The following FANK1 variants were observed in gnomAD, a reference collection of about 807,000 sequenced individuals.
The protein encoded by FANK1 is fibronectin type III and ankyrin repeat domains 1, also known as fibronectin type 3 and ankyrin repeat domains protein 1.
A neutral mutation model predicts 45.3 loss-of-function variants in FANK1; 44 were observed. The ratio of observed to expected loss-of-function variants is 0.97; its 90% CI spans 0.76 to 1.25. FANK1 has a LOEUF of 1.25. Among genes scored for constraint, FANK1 ranks in the 50% most tolerant of loss-of-function variants. The pLI is 0.00. For synonymous variants in FANK1, 149 were observed against 152.5 expected (o/e 0.98, Z 0.17); for missense variants, 391 against 424.4 (o/e 0.92, Z 0.69).
At chr10:125,919,522 T>C (rs1946787669) in intron 1 of FANK1, among the ~76,000 whole-genome samples, 1 of 152,134 alleles carries the variant, frequency 6.6e-6, no homozygotes, top group Admixed American at 6.6e-5. Context: ...CCTTTTTTTG[T>C]AATGGACCTG....
chr10:125,916,607 T>G (rs1044249497), intron 1 of FANK1, among the ~76,000 whole-genome samples: 1 of 152,158 alleles, frequency 6.6e-6, no homozygotes, highest in African/African-American at 2.4e-5. Flanking sequence ...ATATGGTATA[T>G]ATATACACTA....
rs777933185 is a variant in FANK1, at chr10:125,980,326, G to A, written c.179G>A (p.Gly60Asp). Residue 60 changes from glycine to aspartate, a missense_variant, in exon 2 of 11, where the codon GGT becomes GAT. Physicochemically the swap from Gly to Asp is moderately conservative, Grantham distance 94 (BLOSUM62 -1). Coordinates refer to ENST00000368693, the MANE Select transcript of FANK1 (RefSeq NM_145235.5). ...GAAGACCCCAAAATGCACACTTATGGTATCATTTATACGTAGGTGCAGTGT... is the reference window on the plus strand; with the variant it reads ...GAAGACCCCAAAATGCACACTTATGATATCATTTATACGTAGGTGCAGTGT... ...EEEDPKMHTYGIIYTGYATKH... is the reference protein window; with the variant it reads ...EEEDPKMHTYDIIYTGYATKH... 1.2e-6 allele frequency: 2 copies of A among 1,613,886 alleles called. No individual in the cohort carries two copies. The highest frequency in any genetic ancestry group is 1.7e-6 in the Non-Finnish European group (2 of 1,179,984).
At chr10:125,919,246 CG>C (rs1412597949) in intron 1 of FANK1, among the ~76,000 whole-genome samples, 3 of 102,116 alleles carry the variant, frequency 2.9e-5, no homozygotes, top group African/African-American at 1.2e-4. Context: ...TGCTCTGTCC[CG>C]CAGGCTGGAG....
intron 1 of FANK1, among the ~76,000 whole-genome samples, chr10:125,975,437 C>T (rs185692223): frequency 2.8e-4 from 43 of 152,304 alleles, no homozygotes; most frequent in East Asian, 2.1e-3. Context: ...TTTCCACAAT[C>T]GTTGAACAAA....
chr10:126,009,575 A>G lies in FANK1; in HGVS notation c.*137A>G. The G allele has an allele frequency of 2.2e-6, 2 of 903,256 alleles. No individual in the cohort carries two copies. The highest frequency in any genetic ancestry group is 3.3e-6 in the Non-Finnish European group (2 of 598,674). 56.0% of individuals were successfully genotyped at this position (903,256 alleles called of 1,614,324 possible). A position where few individuals can be genotyped will look rare whatever the true frequency, so the allele number is the denominator to read the frequency against. ...GAAGATTCACTGATCCCACTTTGAA[A>G]TACATCTTTTTACCTAAGCATGTGC... On this transcript the variant is annotated 3_prime_UTR_variant, in exon 11 of 11. Coordinates refer to ENST00000368693, the MANE Select transcript of FANK1 (RefSeq NM_145235.5).
At chr10:125,973,352 A>G in intron 1 of FANK1, 1 of 795,166 alleles carries the variant, frequency 1.3e-6, no homozygotes, top group South Asian at 5.7e-5. Context: ...ACAGTCTACC[A>G]TTCCTGGTGT....
At chr10:125,989,978 A>T (rs1461260060) in intron 3 of FANK1, among the ~76,000 whole-genome samples, 1 of 152,112 alleles carries the variant, frequency 6.6e-6, no homozygotes, top group Non-Finnish European at 1.5e-5. Context: ...GCCTCCTGCC[A>T]CTGCACACTC....
At chr10:126,002,311 C>CAA (rs35254865) in intron 6 of FANK1, among the ~76,000 whole-genome samples, 46 of 151,576 alleles carry the variant, frequency 3.0e-4, no homozygotes, top group Admixed American at 9.2e-4. Context: ...GACTCTGTCT[C>CAA]AAAAAAAACA....
At chr10:126,008,993 C>T (rs118160645) in intron 8 of FANK1, 61 bp from the exon 9 acceptor site, 44,694 of 1,532,286 alleles carry the variant, frequency 0.029, 828 homozygotes, top group South Asian at 0.051. Flanking sequence ...GCTCATGCCC[C>T]CTGCTGTGTG....
At chr10:125,968,579 C>CA (rs1950310555) in intron 1 of FANK1, among the ~76,000 whole-genome samples, 3 of 152,254 alleles carry the variant, frequency 2.0e-5, no homozygotes, top group South Asian at 4.2e-4. Flanking sequence ...ATACAAATCA[C>CA]AATTGCAAAT....
chr10:125,988,935 A>T (rs1951747371), intron 3 of FANK1: 2 of 579,094 alleles, frequency 3.5e-6, no homozygotes, highest in East Asian at 3.4e-5. Context: ...AAAAGGGTGG[A>T]GTCACCTTTC....
chr10:125,908,961 T>A (rs1945766762), intron 1 of FANK1, among the ~76,000 whole-genome samples: 1 of 152,288 alleles, frequency 6.6e-6, no homozygotes, highest in Admixed American at 6.5e-5. Flanking sequence ...GCTGGGTGGT[T>A]CTGTCTTGGT....
chr10:125,903,089 G>T (rs201875869), intron 1 of FANK1, among the ~76,000 whole-genome samples: 1 of 152,310 alleles, frequency 6.6e-6, no homozygotes, highest in Non-Finnish European at 1.5e-5. Context: ...GCTTGAAGCC[G>T]TGTCTTTCCC....
chr10:125,988,659 C>G lies in FANK1; in HGVS notation c.300C>G (p.Val100=). ...GGGAGTGTGAGTACAGCCCACTCGTCTCAGTGTCTACAACCAGTGAGTATT... is the reference window on the plus strand; with the variant it reads ...GGGAGTGTGAGTACAGCCCACTCGTGTCAGTGTCTACAACCAGTGAGTATT... The part of the protein sequence containing the change: ...PSGECEYSPL[V]SVSTTREPIS... Residue 100 remains valine, a synonymous_variant, in exon 3 of 11, where the codon GTC becomes GTG. Coordinates refer to ENST00000368693, the MANE Select transcript of FANK1 (RefSeq NM_145235.5). 6.2e-7 allele frequency: 1 copy of G among 1,614,194 alleles called. No homozygotes were observed. Among genetic ancestry groups the G allele is most frequent in the South Asian group, 1.1e-5 (1 of 91,082 alleles).
chr10:125,960,250 G>T, intron 1 of FANK1: 1 of 296,210 alleles, frequency 3.4e-6, no homozygotes, highest in South Asian at 3.5e-5. Context: ...CTTCCTGCTG[G>T]AACACTGACC....
In FANK1 at chr10:126,008,466, G is replaced by A. The variant is rs970479200; in HGVS notation, c.765G>A (p.Ser255=). The A allele has an allele frequency of 1.2e-5, 20 of 1,613,382 alleles. No individual in the cohort carries two copies. The highest frequency in any genetic ancestry group is 1.7e-5 in the Admixed American group (1 of 59,922). The change falls in exon 8 of 11, where the codon TCG becomes TCA. Residue 255 remains serine, a synonymous_variant. Coordinates refer to ENST00000368693, the MANE Select transcript of FANK1 (RefSeq NM_145235.5). ...WTPLMRVSAV[S]GNQRVASLLI... Reference sequence around the variant, plus strand: ...CACTCATGAGAGTCTCTGCGGTGTCGGGAAATCAGAGGGTGGCCTCTCTTC... The same window carrying A: ...CACTCATGAGAGTCTCTGCGGTGTCAGGAAATCAGAGGGTGGCCTCTCTTC...
rs890261631 is a variant in FANK1, at chr10:125,953,222, G to T, written c.14-26939G>T. On this transcript the variant is annotated intron_variant, in intron 1 of 10. Coordinates refer to ENST00000368693, the MANE Select transcript of FANK1 (RefSeq NM_145235.5). Reference sequence around the variant, plus strand: ...TTGGCCCCCCTGCCAGGGCTCACTTGTCTTGGGAGAGGGCTTGTGAAGGCC... The same window carrying T: ...TTGGCCCCCCTGCCAGGGCTCACTTTTCTTGGGAGAGGGCTTGTGAAGGCC... Among the ~76,000 whole-genome samples the T allele has an allele frequency of 4.6e-5, 7 of 152,272 alleles. No homozygotes were observed. The East Asian group carries it at 1.2e-3, about 25-fold the overall frequency.
intron 1 of FANK1, among the ~76,000 whole-genome samples, chr10:125,911,047 A>AG (rs1459446562): frequency 1.3e-5 from 2 of 152,004 alleles, no homozygotes; most frequent in African/African-American, 4.8e-5. Flanking sequence ...AAAAAAAAAA[A>AG]AAGATGTCCA....
intron 5 of FANK1, among the ~76,000 whole-genome samples, 178 bp downstream of exon 5, chr10:125,996,802 C>T (rs187691208): frequency 3.9e-4 from 59 of 152,218 alleles, no homozygotes; most frequent in Non-Finnish European, 7.4e-4. Flanking sequence ...CATAAAGTTA[C>T]ACAACATGCA....
Sources: gnomAD v4.1 joint callset for allele counts (sites outside exome capture counted in the v4.1 genomes callset) on GRCh38, gnomAD v4.1.1 for gene constraint, MANE v1.5 for transcripts, NCBI Gene and HGNC (gene_info 2026-07-23, HGNC 2026-07-21) for gene names.